Variants in KLHDC1 observed in about 807,000 individuals in gnomAD.
KLHDC1 encodes the protein kelch domain-containing protein 1.
Under a neutral mutation model 68.3 loss-of-function variants are expected in KLHDC1, and 53 were observed. That is an observed-to-expected ratio of 0.78 (90% CI 0.62 to 0.98). The LOEUF is 0.98. Ranked by LOEUF, KLHDC1 falls within the 50% of genes least tolerant of loss-of-function variation. The probability of loss-of-function intolerance (pLI) is 0.00; values close to 1 mark genes in which losing one functional copy is unlikely to be tolerated. For synonymous variants in KLHDC1, 148 were observed against 159.0 expected, an observed-to-expected ratio of 0.93 and a Z score of 0.52; for missense variants, 470 against 492.3, an observed-to-expected ratio of 0.95 and a Z score of 0.43.
At chr14:49,746,562 G>A (rs538852482) in intron 12 of KLHDC1, among the ~76,000 whole-genome samples, 75 of 152,308 alleles carry the variant, frequency 4.9e-4, no homozygotes, top group African/African-American at 1.7e-3. Flanking sequence ...ACTGTGGATA[G>A]TACATATTTT....
intron 9 of KLHDC1, 121 bp downstream of exon 9, chr14:49,732,937 A>C: frequency 1.7e-6 from 1 of 605,868 alleles, no homozygotes; most frequent in Non-Finnish European, 2.9e-6. Context: ...CTTTATCCTC[A>C]ATTATTTTCT....
At chr14:49,715,068 TG>T (rs1844750959) in intron 4 of KLHDC1, among the ~76,000 whole-genome samples, 1 of 147,920 alleles carries the variant, frequency 6.8e-6, no homozygotes, top group African/African-American at 2.5e-5. Context: ...ATATGTTTTT[TG>T]TATTATACAT....
intron 1 of KLHDC1, among the ~76,000 whole-genome samples, chr14:49,696,357 T>C (rs1887742622): frequency 6.6e-6 from 1 of 151,988 alleles, no homozygotes; most frequent in African/African-American, 2.4e-5. Flanking sequence ...TTTTTAGTAG[T>C]AATTTAGTAA....
intron 4 of KLHDC1, among the ~76,000 whole-genome samples, chr14:49,721,998 T>G (rs899846946): frequency 2.6e-5 from 4 of 152,294 alleles, no homozygotes; most frequent in African/African-American, 9.6e-5. Flanking sequence ...AAAGCTCAGA[T>G]TGCCTAAAGG....
At chr14:49,724,118 A>T (rs1015771984) in intron 5 of KLHDC1, among the ~76,000 whole-genome samples, 166 bp downstream of exon 5, 5 of 152,192 alleles carry the variant, frequency 3.3e-5, no homozygotes, top group Admixed American at 6.5e-5. Context: ...CATTTGGCAA[A>T]AGGTATCTCT....
chr14:49,694,851 C>T (rs944855697), intron 1 of KLHDC1, among the ~76,000 whole-genome samples: 2 of 152,130 alleles, frequency 1.3e-5, no homozygotes, highest in Non-Finnish European at 2.9e-5. Flanking sequence ...GAGACTCCGT[C>T]TCAAAACAAA....
Position 49,711,910 on chromosome 14 carries a change from C to CTTTTTTT in KLHDC1, c.404+1550_404+1556dup, listed in dbSNP as rs992092493. Among the ~76,000 whole-genome samples the CTTTTTTT allele has an allele frequency of 6.7e-3, 516 of 76,628 alleles. 6 individuals carry two copies. The highest frequency in any genetic ancestry group is 9.0e-3 in the African/African-American group (181 of 20,074). The allele number at this position is 76,628 out of a possible 152,430, so 50.3% of individuals were successfully genotyped here. On this transcript the variant is annotated intron_variant, in intron 4 of 12. Coordinates refer to ENST00000359332, the MANE Select transcript of KLHDC1 (RefSeq NM_172193.3). The stretch of plus-strand genomic sequence containing the variant: ...TTATATGTCTTTCTTTTTTCTTTTT[C>CTTTTTTT]TTTTTTTTTTTTTTTTTTTTTTTTT...
At position 49,725,682 on chromosome 14, in the gene KLHDC1, T is replaced by C; in HGVS notation, c.484-4T>C. Reference sequence around the variant, plus strand: ...TTGAGATATTTAAAACATTTCTCTTTTAGGAAGAGCAGATATTCTGGGGAT... The same window carrying C: ...TTGAGATATTTAAAACATTTCTCTTCTAGGAAGAGCAGATATTCTGGGGAT... On this transcript the variant is annotated splice_polypyrimidine_tract_variant and splice_region_variant and intron_variant, in intron 5 of 12. Coordinates refer to ENST00000359332, the MANE Select transcript of KLHDC1 (RefSeq NM_172193.3). 1 of 1,445,170 alleles carries C rather than the reference T, an allele frequency of 6.9e-7. No individual in the cohort carries two copies. Among genetic ancestry groups the C allele is most frequent in the Non-Finnish European group, 9.6e-7 (1 of 1,045,084 alleles). The allele number at this position is 1,445,170 out of a possible 1,614,324, so 89.5% of individuals were successfully genotyped here. A position where few individuals can be genotyped will look rare whatever the true frequency, so the allele number is the denominator to read the frequency against.
At chr14:49,725,874 G>A (rs1271759010) in intron 6 of KLHDC1, 105 bp downstream of exon 6, 10 of 610,386 alleles carry the variant, frequency 1.6e-5, no homozygotes, top group Middle Eastern at 4.7e-4. Flanking sequence ...TTGAGACAAA[G>A]TCTTGCTCTG....
chr14:49,707,984 A>G (rs1228874384), intron 1 of KLHDC1, among the ~76,000 whole-genome samples: 3 of 151,848 alleles, frequency 2.0e-5, no homozygotes, highest in African/African-American at 7.3e-5. Flanking sequence ...ACATACAATG[A>G]GAAACAGCTA....
At chr14:49,729,624 A>G (rs1386325129) in intron 8 of KLHDC1, 76 bp downstream of exon 8, 2 of 947,106 alleles carry the variant, frequency 2.1e-6, no homozygotes. Context: ...TCCAAATGTG[A>G]GTCTTTAAAA....
intron 1 of KLHDC1, among the ~76,000 whole-genome samples, chr14:49,693,840 CCGCCCCGGGTTCAAG>C (rs1887654692): frequency 6.8e-6 from 1 of 147,858 alleles, no homozygotes; most frequent in Non-Finnish European, 1.5e-5. Flanking sequence ...CCTCCGCCCC[CCGCCCCGGGTTCAAG>C]CGATTCTCCT....
intron 8 of KLHDC1, among the ~76,000 whole-genome samples, chr14:49,730,876 G>A (rs1455948618): frequency 6.6e-6 from 1 of 152,146 alleles, no homozygotes; most frequent in Non-Finnish European, 1.5e-5. Flanking sequence ...GGAGCCTGAG[G>A]CAGGAGAATC....
intron 4 of KLHDC1, among the ~76,000 whole-genome samples, chr14:49,722,181 G>C (rs929167098): frequency 1.3e-5 from 2 of 152,146 alleles, no homozygotes; most frequent in African/African-American, 4.8e-5. Flanking sequence ...ACAACGTGCA[G>C]GTTTGTTACA....
chr14:49,721,043 A>G lies in KLHDC1; in HGVS notation c.405-2831A>G, dbSNP rs958494154. 2.0e-5 allele frequency among the ~76,000 whole-genome samples: 3 copies of G among 152,064 alleles called. No individual in the cohort carries two copies. In the East Asian group the frequency reaches 5.8e-4, roughly 29 times the overall value. ...TGCATGTTGTCCACATCTTTCTGCT[A>G]TTAGTATCCTCATCATAGTTTTTTT... On this transcript the variant is annotated intron_variant, in intron 4 of 12. Transcript: ENST00000359332.
At chr14:49,707,443 G>A (rs1594653213) in intron 1 of KLHDC1, among the ~76,000 whole-genome samples, 1 of 149,338 alleles carries the variant, frequency 6.7e-6, no homozygotes, top group Non-Finnish European at 1.5e-5. Context: ...CACCTCCGGG[G>A]TTCAAGCGAT....
At chr14:49,710,036 G>C (rs1279553116) in intron 3 of KLHDC1, among the ~76,000 whole-genome samples, 1 of 152,008 alleles carries the variant, frequency 6.6e-6, no homozygotes, top group East Asian at 1.9e-4. Flanking sequence ...ATATTTAATT[G>C]ATATTCATAG....
At chr14:49,704,387 G>GTTTTTTTTTTTTTTTTTTTTTTTTTTTGT (rs35067251) in intron 1 of KLHDC1, among the ~76,000 whole-genome samples, 1 of 68,690 alleles carries the variant, frequency 1.5e-5, no homozygotes, top group African/African-American at 6.4e-5. Context: ...TTCCTTTTCT[G>GTTTTTTTTTTTTTTTTTTTTTTTTTTTGT]TTTTTTTTTT....
At chr14:49,729,440 G>A (rs1178527409) in intron 7 of KLHDC1, 50 bp from the exon 8 acceptor site, 1 of 1,235,308 alleles carries the variant, frequency 8.1e-7, no homozygotes, top group Non-Finnish European at 1.2e-6. Flanking sequence ...AAAAATTTTA[G>A]CTGATAAAAG....
Sources: allele counts gnomAD v4.1 joint callset (sites outside exome capture counted in the v4.1 genomes callset), GRCh38; gene constraint gnomAD v4.1.1; transcripts MANE v1.5; gene names NCBI Gene and HGNC (gene_info 2026-07-23, HGNC 2026-07-21).